IAH1: variants seen among roughly 807,000 people sequenced by gnomAD.
The protein encoded by IAH1 is isoamyl acetate hydrolyzing esterase 1 (putative), also known as isoamyl acetate-hydrolyzing esterase 1 homolog.
A neutral mutation model predicts 26.7 loss-of-function variants in IAH1; 24 were observed. That is an observed-to-expected ratio of 0.90 (90% confidence interval 0.65 to 1.26). The LOEUF (loss-of-function observed/expected upper bound fraction) is 1.26. IAH1 is among the 50% of genes most tolerant of loss of function. IAH1 has a pLI of 0.00. For missense variants in IAH1, 300 were observed against 299.9 expected (o/e 1.00, Z 0.00); for synonymous variants, 140 against 118.5 (o/e 1.18, Z -1.18).
At chr2:9,479,529 ATG>A (rs1661030988) in intron 3 of IAH1, among the ~76,000 whole-genome samples, 3 of 152,350 alleles carry the variant, frequency 2.0e-5, no homozygotes, top group East Asian at 3.9e-4. Flanking sequence ...ATATTTGAAA[ATG>A]TGTGAAAACT....
intron 3 of IAH1, among the ~76,000 whole-genome samples, chr2:9,479,874 T>C (rs372721724): frequency 1.0e-4 from 14 of 139,418 alleles, no homozygotes; most frequent in African/African-American, 3.7e-4. Flanking sequence ...AGTGATACGG[T>C]CTCGGCTCAC....
upstream of IAH1, chr2:9,474,543 C>A (rs1682357681): frequency 1.7e-5 from 24 of 1,400,400 alleles, no homozygotes; most frequent in Non-Finnish European, 2.1e-5. The surrounding 1 kb of genome is among the most constrained non-coding windows in gnomAD (Gnocchi z 4.3). Flanking sequence ...CTGGCGGCCC[C>A]GCCCCGCCCC....
chr2:9,490,310 G>C, downstream of IAH1: 1 of 1,614,162 alleles, frequency 6.2e-7, no homozygotes, highest in Non-Finnish European at 8.5e-7. Context: ...ATTTGGGAAG[G>C]GGTCCTTCTC....
chr2:9,501,140 A>G (rs1271256688), downstream of IAH1, among the ~76,000 whole-genome samples: 1 of 152,234 alleles, frequency 6.6e-6, no homozygotes, highest in Admixed American at 6.5e-5. Flanking sequence ...CAATTTTTAA[A>G]AAATGAACCA....
chr2:9,511,835 G>T, the IAH1 span, among the ~76,000 whole-genome samples: 5 of 152,028 alleles, frequency 3.3e-5, no homozygotes, highest in African/African-American at 1.2e-4. Flanking sequence ...GCCAGGCATT[G>T]TGGTGGGCGC....
chr2:9,488,001 T>G (rs1389221028), intron 5 of IAH1, 146 bp from the exon 6 acceptor site: 6 of 553,808 alleles, frequency 1.1e-5, no homozygotes, highest in African/African-American at 1.9e-5. Flanking sequence ...ACCCAGCTAA[T>G]TTTTGTATTT....
At chr2:9,499,359 C>A (rs1400676912), downstream of IAH1, among the ~76,000 whole-genome samples, 1 of 152,000 alleles carries the variant, frequency 6.6e-6, no homozygotes, top group Non-Finnish European at 1.5e-5. Context: ...CTAGCAAATG[C>A]TTCTTTAAAG....
intron 5 of IAH1, chr2:9,486,466 A>G (rs1661484789): frequency 6.6e-6 from 1 of 152,212 alleles, no homozygotes; most frequent in African/African-American, 2.4e-5. Flanking sequence ...AACTGCCTAG[A>G]TGAGAAAACC....
the IAH1 span, among the ~76,000 whole-genome samples, chr2:9,506,497 G>T: frequency 6.6e-6 from 1 of 150,960 alleles, no homozygotes; most frequent in African/African-American, 2.4e-5. Context: ...CTCCTGAGTA[G>T]CTAGGACTAC....
the IAH1 span, among the ~76,000 whole-genome samples, chr2:9,510,663 CAA>C: frequency 3.9e-4 from 33 of 84,754 alleles, no homozygotes; most frequent in African/African-American, 2.8e-4. Context: ...GACTTCGTCT[CAA>C]AAAAAAAAAA....
intron 3 of IAH1, among the ~76,000 whole-genome samples, chr2:9,478,904 GA>G (rs940021106): frequency 5.9e-5 from 9 of 152,104 alleles, no homozygotes; most frequent in Admixed American, 5.2e-4. Context: ...TTCTACTCTT[GA>G]AAAAAGCCTT....
rs184686636 is a variant in IAH1 at position 9,495,008 on chromosome 2, T to C, written c.*222+148T>C. On this transcript the variant is annotated intron_variant, in intron 6 of 6. Transcript: ENST00000481367. ...AATGCAGAGAAAAATCCATTCTAGA[T>C]TCAAGACCTCTCTTCAAAGTCTAAC... The C allele has an allele frequency of 2.0e-3, 797 of 393,164 alleles. 5 individuals are homozygous for C. The highest frequency in any genetic ancestry group is 0.016 in the African/African-American group (756 of 48,750). The allele number at this position is 393,164 out of a possible 1,614,324, so 24.4% of individuals were successfully genotyped here. A position where few individuals can be genotyped will look rare whatever the true frequency, so the allele number is the denominator to read the frequency against.
At chr2:9,492,996 A>G (rs748071126), downstream of IAH1, 9 of 1,603,744 alleles carry the variant, frequency 5.6e-6, 1 homozygote, top group South Asian at 1.0e-4. Context: ...CCTGTGAACA[A>G]TTCCAAACAG....
At chr2:9,487,788 TTGTGTGTGTGTGTGTGTGTGTG>T (rs70948823) in intron 5 of IAH1, among the ~76,000 whole-genome samples, 66 of 134,032 alleles carry the variant, frequency 4.9e-4, no homozygotes, top group South Asian at 1.0e-3. Flanking sequence ...CCCGGCCTTT[TTGTGTGTGTGTGTGTGTGTGTG>T]TGTGTGTGTG....
downstream of IAH1, chr2:9,496,688 G>T (rs761535572): frequency 9.8e-5 from 16 of 163,022 alleles, no homozygotes; most frequent in Non-Finnish European, 1.9e-4. Flanking sequence ...GTGGGGTTAG[G>T]TCCTGGAATC....
chr2:9,474,034 C>T (rs1262078068), upstream of IAH1: 1 of 152,320 alleles, frequency 6.6e-6, no homozygotes, highest in African/African-American at 2.4e-5. This position sits in a 1 kb window ranked among gnomAD's most constrained non-coding sequence, Gnocchi z 4.3. Context: ...GCTGCGCGCG[C>T]ACTGAAGGTG....
At chr2:9,480,369 C>G (rs532451446) in intron 3 of IAH1, among the ~76,000 whole-genome samples, 12 of 152,150 alleles carry the variant, frequency 7.9e-5, no homozygotes, top group African/African-American at 2.9e-4. Flanking sequence ...TGTGGTGTTG[C>G]GTGCCTGTAG....
chr2:9,506,239 C>G, the IAH1 span, among the ~76,000 whole-genome samples: 1 of 151,988 alleles, frequency 6.6e-6, no homozygotes, highest in Non-Finnish European at 1.5e-5. Context: ...TGTATGAGAC[C>G]CTCCAAAGGT....
At chr2:9,509,671 A>T in the IAH1 span, among the ~76,000 whole-genome samples, 1 of 152,224 alleles carries the variant, frequency 6.6e-6, no homozygotes, top group African/African-American at 2.4e-5. Context: ...AATTTTTAAC[A>T]TAAAGCCTGA....
Sources: gnomAD v4.1 joint callset for allele counts (sites outside exome capture counted in the v4.1 genomes callset) on GRCh38, gnomAD v4.1.1 for gene constraint, Gnocchi (gnomAD v3.1) non-coding constraint, MANE v1.5 for transcripts, NCBI Gene and HGNC (gene_info 2026-07-23, HGNC 2026-07-21) for gene names.